The following ATP2A2 variants were observed in gnomAD, a reference collection of about 807,000 sequenced individuals.
ATP2A2 encodes the protein sarcoplasmic/endoplasmic reticulum calcium ATPase 2.
ATP2A2 carries 14 observed loss-of-function variants against 109.3 expected under a neutral mutation model. That is an observed-to-expected ratio of 0.13 (90% CI 0.08 to 0.20). The LOEUF (loss-of-function observed/expected upper bound fraction) is 0.20, where lower values mean the gene tolerates loss of function less well. Among genes scored for constraint, ATP2A2 ranks in the 10% least tolerant of loss-of-function variants. The pLI is 1.00. For missense variants in ATP2A2, 657 were observed against 1,321.6 expected (o/e 0.50, Z 7.80); for synonymous variants, 506 against 490.9 (o/e 1.03, Z -0.41).
At position 110,340,845 on chromosome 12, in the gene ATP2A2, A is replaced by G. The variant is rs1281235382; in HGVS notation, c.1948A>G (p.Lys650Glu). Residue 650 changes from lysine to glutamate, a missense_variant, in exon 14 of 20, where the codon AAA (lysine) becomes GAA (glutamate). Lys to Glu is a moderately conservative substitution (Grantham distance 56). Coordinates refer to ENST00000539276, the MANE Select transcript of ATP2A2 (RefSeq NM_170665.4). The surrounding 1 kb of genome is among the most constrained non-coding windows in gnomAD (Gnocchi z 6.0). Reference protein sequence around the residue: ...IFGQDEDVTSKAFTGREFDEL... With the variant: ...IFGQDEDVTSEAFTGREFDEL... ...CGGGCAGGATGAGGACGTGACGTCA[A>G]AAGCTTTCACAGGCCGGGAGTTTGA... The G allele has an allele frequency of 2.5e-6, 4 of 1,614,122 alleles. No homozygotes were observed. The highest frequency in any genetic ancestry group is 3.4e-6 in the Non-Finnish European group (4 of 1,180,044).
chr12:110,311,616 A>AAAAC, intron 5 of ATP2A2, among the ~76,000 whole-genome samples: 1 of 150,306 alleles, frequency 6.7e-6, no homozygotes, highest in Non-Finnish European at 1.5e-5. Context: ...AAAAAAAAAA[A>AAAAC]AAAAAACGCT....
chr12:110,347,717 C>G lies in ATP2A2; in HGVS notation c.*1247C>G. The G allele has an allele frequency of 1.7e-6, 2 of 1,160,422 alleles. No homozygotes were observed. The highest frequency in any genetic ancestry group is 2.2e-6 in the Non-Finnish European group (2 of 927,226). The allele number at this position is 1,160,422 out of a possible 1,614,324, so 71.9% of individuals were successfully genotyped here. The stretch of plus-strand genomic sequence containing the variant: ...TTGCGCATGTTCGAGATGAGTCTCA[C>G]CAACAGTGTGTAAGTCATTAACAGT... On this transcript the variant is annotated 3_prime_UTR_variant, in exon 20 of 20. Transcript: ENST00000539276.
At chr12:110,334,257 A>G in intron 11 of ATP2A2, 114 bp downstream of exon 11, 1 of 1,297,708 alleles carries the variant, frequency 7.7e-7, no homozygotes, top group South Asian at 1.2e-5. Flanking sequence ...ATCTCCTCAA[A>G]CTTACAGTAT....
At chr12:110,304,754 TA>T (rs1247661925) in intron 5 of ATP2A2, among the ~76,000 whole-genome samples, 1 of 152,228 alleles carries the variant, frequency 6.6e-6, no homozygotes, top group East Asian at 1.9e-4. Context: ...AAGTTTTTAA[TA>T]TGATAAAGTC....
chr12:110,302,152 T>C (rs1181612819), intron 5 of ATP2A2, among the ~76,000 whole-genome samples: 1 of 152,156 alleles, frequency 6.6e-6, no homozygotes, highest in Admixed American at 6.6e-5. Context: ...AACTTACCCA[T>C]TTTAACCATT....
intron 5 of ATP2A2, among the ~76,000 whole-genome samples, chr12:110,298,445 CG>C (rs1874200039): frequency 6.6e-6 from 1 of 152,130 alleles, no homozygotes; most frequent in Non-Finnish European, 1.5e-5. Flanking sequence ...TTTGGCCAGG[CG>C]TGGTGGCTCA....
At chr12:110,282,135 G>A (rs577434710) in intron 1 of ATP2A2, among the ~76,000 whole-genome samples, 2 of 152,184 alleles carry the variant, frequency 1.3e-5, no homozygotes. Flanking sequence ...GGCGCGCAAG[G>A]CTCGGAGGCT....
At chr12:110,296,362 C>T (rs1873960689) in intron 4 of ATP2A2, 1 of 520,860 alleles carries the variant, frequency 1.9e-6, no homozygotes, top group Non-Finnish European at 3.4e-6. Flanking sequence ...TCTGTAATTG[C>T]TTTTCCTCAT....
At chr12:110,297,549 C>T (rs898128904) in intron 5 of ATP2A2, among the ~76,000 whole-genome samples, 4 of 151,996 alleles carry the variant, frequency 2.6e-5, no homozygotes, top group Non-Finnish European at 4.4e-5. Flanking sequence ...CACTGTGAGT[C>T]CAGAATGCTC....
chr12:110,292,091 A>G lies in ATP2A2; in HGVS notation c.291A>G (p.Ile97Met). ...TAGAACCTTTTGTAATTTTACTCAT[A>G]TTAGTAGCCAATGCAATTGTGGGTG... Reference protein sequence around the residue: ...AFVEPFVILLILVANAIVGVW... With the variant: ...AFVEPFVILLMLVANAIVGVW... Residue 97 changes from isoleucine to methionine, a missense_variant, in exon 4 of 20, where the codon ATA becomes ATG. By Grantham distance (10) the Ile-to-Met change is conservative. Around this residue, in one of 9 missense-constraint regions of ATP2A2, gnomAD observed 136 missense variants for 343.9 expected, o/e 0.40. Coordinates refer to ENST00000539276, the MANE Select transcript of ATP2A2 (RefSeq NM_170665.4). The G allele has an allele frequency of 6.2e-7, 1 of 1,614,194 alleles. No individual in the cohort carries two copies. Among genetic ancestry groups the G allele is most frequent in the Non-Finnish European group, 8.5e-7 (1 of 1,180,028 alleles).
chr12:110,316,078 C>G (rs754406447), intron 5 of ATP2A2, among the ~76,000 whole-genome samples: 31 of 152,232 alleles, frequency 2.0e-4, no homozygotes, highest in Non-Finnish European at 3.8e-4. Context: ...CAAAGCTAGT[C>G]TCCATCTCAA....
intron 5 of ATP2A2, among the ~76,000 whole-genome samples, chr12:110,301,984 C>T (rs1175106256): frequency 6.6e-6 from 1 of 152,164 alleles, no homozygotes; most frequent in Non-Finnish European, 1.5e-5. Flanking sequence ...CGCTTTCTCA[C>T]ACTGAAATTT....
At chr12:110,320,342 G>A (rs893194480) in intron 5 of ATP2A2, among the ~76,000 whole-genome samples, 3 of 152,142 alleles carry the variant, frequency 2.0e-5, no homozygotes, top group African/African-American at 7.2e-5. Context: ...ATTGACGACC[G>A]CTATCTCACA....
In ATP2A2 at chr12:110,340,724, C is replaced by G. The variant is rs760226436; in HGVS notation, c.1827C>G (p.Ser609=). Residue 609 remains serine, a synonymous_variant, in exon 14 of 20, where the codon TCC becomes TCG. Transcript: ENST00000539276. This position sits in a 1 kb window ranked among gnomAD's most constrained non-coding sequence, Gnocchi z 6.0. ...CTCCGAGAATCGAGGTGGCCTCCTCCGTGAAGCTGTGCCGGCAAGCAGGCA... is the reference window on the plus strand; with the variant it reads ...CTCCGAGAATCGAGGTGGCCTCCTCGGTGAAGCTGTGCCGGCAAGCAGGCA... ...LDPPRIEVAS[S]VKLCRQAGIR... is the part of the protein sequence containing the mutation. The G allele has an allele frequency of 7.4e-6, 12 of 1,614,032 alleles. No individual in the cohort carries two copies. Among genetic ancestry groups the G allele is most frequent in the Non-Finnish European group, 1.0e-5 (12 of 1,180,002 alleles).
In ATP2A2 at chr12:110,333,285, T is replaced by C. The variant is rs748925953; in HGVS notation, c.1287+2T>C. On this transcript the variant is annotated splice_donor_variant, in intron 10 of 19. Transcript: ENST00000539276. LOFTEE classifies it high-confidence loss of function. The stretch of plus-strand genomic sequence containing the variant: ...GACTCTGCTTTGGATTACAATGAGG[T>C]AAGTCTCTTCATAAATTAGAAGGAA... 7 of 1,605,512 alleles carry C rather than the reference T, an allele frequency of 4.4e-6. No homozygotes were observed. The highest frequency in any genetic ancestry group is 1.7e-5 in the Admixed American group (1 of 60,014).
Position 110,348,804 on chromosome 12 carries a change from G to A in ATP2A2, c.*2334G>A, listed in dbSNP as rs115845889. On this transcript the variant is annotated 3_prime_UTR_variant, in exon 20 of 20. Transcript: ENST00000539276. ...TGCCCAGCAGGGAACATTTGGGGCAGGGGGTAAATTTTGCCAGTTTGAGCA... is the reference window on the plus strand; with the variant it reads ...TGCCCAGCAGGGAACATTTGGGGCAAGGGGTAAATTTTGCCAGTTTGAGCA... 9,635 of 985,528 alleles carry A rather than the reference G, an allele frequency of 9.8e-3. 45 individuals are homozygous for A. The highest frequency in any genetic ancestry group is 0.01 in the Non-Finnish European group (8,682 of 830,024). The allele number at this position is 985,528 out of a possible 1,614,324, so 61.0% of individuals were successfully genotyped here. A position where few individuals can be genotyped will look rare whatever the true frequency, so the allele number is the denominator to read the frequency against.
At chr12:110,323,168 C>G (rs1877417897) in intron 6 of ATP2A2, 96 bp downstream of exon 6, 1 of 930,792 alleles carries the variant, frequency 1.1e-6, no homozygotes, top group East Asian at 2.4e-5. Flanking sequence ...TTTATGGTAT[C>G]CCATCTTAAT....
At chr12:110,307,424 G>A (rs1050761463) in intron 5 of ATP2A2, among the ~76,000 whole-genome samples, 1 of 151,392 alleles carries the variant, frequency 6.6e-6, no homozygotes, top group Non-Finnish European at 1.5e-5. Flanking sequence ...GTAGAGATGA[G>A]GTCTTACTAT....
intron 8 of ATP2A2, chr12:110,329,863 A>G (rs1333562829): frequency 6.6e-6 from 1 of 152,274 alleles, no homozygotes; most frequent in African/African-American, 2.4e-5. Flanking sequence ...TGCTTAAACA[A>G]CTTGGTACAA....
Sources: gnomAD v4.1 joint callset for allele counts (sites outside exome capture counted in the v4.1 genomes callset) on GRCh38, gnomAD v4.1.1 for gene constraint, gnomAD v4.1.1 regional missense constraint, Gnocchi (gnomAD v3.1) non-coding constraint, MANE v1.5 for transcripts, NCBI Gene and HGNC (gene_info 2026-07-23, HGNC 2026-07-21) for gene names.